Variants in ZNG1A observed in about 807,000 individuals in gnomAD.
The protein encoded by ZNG1A is zinc-regulated GTPase metalloprotein activator 1A.
the ZNG1A span, among the ~76,000 whole-genome samples, chr9:140,281 G>C: frequency 5.9e-5 from 9 of 151,622 alleles, no homozygotes; most frequent in African/African-American, 1.7e-4. Context: ...GCTTTGAAGA[G>C]AGCAGTGGTT....
At chr9:130,179 T>C in the ZNG1A span, among the ~76,000 whole-genome samples, 28 of 150,438 alleles carry the variant, frequency 1.9e-4, no homozygotes, top group East Asian at 3.5e-3. Context: ...ACTATTTTTA[T>C]AGCATAAGGT....
chr9:143,543 T>G, the ZNG1A span, among the ~76,000 whole-genome samples: 28 of 117,784 alleles, frequency 2.4e-4, 2 homozygotes, highest in South Asian at 6.8e-4. Context: ...TGGGACGTAT[T>G]TCAAAATAAT....
At chr9:140,427 C>T in the ZNG1A span, among the ~76,000 whole-genome samples, 305 of 151,042 alleles carry the variant, frequency 2.0e-3, 3 homozygotes, top group African/African-American at 5.9e-3. Flanking sequence ...CGGCCGGGTA[C>T]TCCAACAGAC....
chr9:144,484 G>C, the ZNG1A span, among the ~76,000 whole-genome samples: 1 of 151,984 alleles, frequency 6.6e-6, no homozygotes. Flanking sequence ...GGGAAAACTG[G>C]CTAGCCATAT....
At chr9:147,828 C>T in the ZNG1A span, 2 of 145,268 alleles carry the variant, frequency 1.4e-5, no homozygotes, top group African/African-American at 5.4e-5. Context: ...AGGAGTTTGA[C>T]ACCAACCGGG....
chr9:160,557 G>A, the ZNG1A span, among the ~76,000 whole-genome samples: 3 of 151,068 alleles, frequency 2.0e-5, no homozygotes, highest in African/African-American at 7.3e-5. Flanking sequence ...GTAGCAGGAG[G>A]TTAAACGTTT....
the ZNG1A span, among the ~76,000 whole-genome samples, chr9:155,963 AT>A: frequency 6.7e-6 from 1 of 150,074 alleles, no homozygotes; most frequent in Non-Finnish European, 1.5e-5. Context: ...AAAAATAAAA[AT>A]AAAAAAATAA....
At chr9:169,090 C>G in the ZNG1A span, among the ~76,000 whole-genome samples, 1 of 152,018 alleles carries the variant, frequency 6.6e-6, no homozygotes, top group African/African-American at 2.4e-5. Flanking sequence ...TCTGATGGAT[C>G]TGGGCAAAGT....
chr9:131,357 T>G, the ZNG1A span, among the ~76,000 whole-genome samples: 1 of 149,586 alleles, frequency 6.7e-6, no homozygotes, highest in Non-Finnish European at 1.5e-5. Context: ...GTCTGTTTCT[T>G]CTTTAACCCA....
chr9:133,904 G>C, the ZNG1A span, among the ~76,000 whole-genome samples: 1 of 149,090 alleles, frequency 6.7e-6, no homozygotes, highest in African/African-American at 2.5e-5. Context: ...CCACAATAGA[G>C]GTTCATTCGA....
the ZNG1A span, among the ~76,000 whole-genome samples, chr9:155,370 T>G: frequency 6.6e-6 from 1 of 151,524 alleles, no homozygotes; most frequent in Admixed American, 6.6e-5. Context: ...GAGGATCCCT[T>G]AAGCCCAGGA....
the ZNG1A span, chr9:148,782 T>C: frequency 6.7e-6 from 1 of 148,982 alleles, no homozygotes; most frequent in Non-Finnish European, 1.5e-5. Context: ...CTGCTTTAAG[T>C]AGCCTAAGAC....
At chr9:145,503 A>G in the ZNG1A span, among the ~76,000 whole-genome samples, 111 of 138,988 alleles carry the variant, frequency 8.0e-4, no homozygotes, top group African/African-American at 2.9e-3. Context: ...AACAATGAGA[A>G]CACATGGACA....
At chr9:170,776 C>G in the ZNG1A span, among the ~76,000 whole-genome samples, 2 of 143,854 alleles carry the variant, frequency 1.4e-5, no homozygotes, top group African/African-American at 2.7e-5. Context: ...AATGAATGTT[C>G]CATCTTTACC....
chr9:168,452 C>G, the ZNG1A span, among the ~76,000 whole-genome samples: 1 of 151,124 alleles, frequency 6.6e-6, no homozygotes, highest in African/African-American at 2.5e-5. Context: ...TGGGGTTTCA[C>G]TATGTTGGCC....
At chr9:127,734 G>A in the ZNG1A span, among the ~76,000 whole-genome samples, 1 of 152,236 alleles carries the variant, frequency 6.6e-6, no homozygotes, top group East Asian at 1.9e-4. Context: ...TTTGTTGCCT[G>A]TATACCTTGT....
chr9:135,294 C>T, the ZNG1A span, among the ~76,000 whole-genome samples: 2 of 147,832 alleles, frequency 1.4e-5, no homozygotes, highest in African/African-American at 2.5e-5. Context: ...TTTAGCAACA[C>T]TATTTTGTAT....
At chr9:175,150 C>T in the ZNG1A span, among the ~76,000 whole-genome samples, 160 of 152,208 alleles carry the variant, frequency 1.1e-3, 1 homozygote, top group Middle Eastern at 3.4e-3. Flanking sequence ...GAGGCCGAGG[C>T]GGGTGGATCA....
chr9:178,267 C>T, the ZNG1A span, among the ~76,000 whole-genome samples: 1 of 151,506 alleles, frequency 6.6e-6, no homozygotes, highest in African/African-American at 2.4e-5. Flanking sequence ...TTTATTCTTA[C>T]TTCCTACGCA....
Sources: gnomAD v4.1 joint callset for allele counts (sites outside exome capture counted in the v4.1 genomes callset) on GRCh38, gnomAD v4.1.1 for gene constraint, MANE v1.5 for transcripts, NCBI Gene and HGNC (gene_info 2026-07-23, HGNC 2026-07-21) for gene names.